GATM: variants seen among roughly 807,000 people sequenced by gnomAD.
The protein encoded by GATM is glycine amidinotransferase.
A neutral mutation model predicts 54.2 loss-of-function variants in GATM; 23 were observed. The observed-to-expected ratio is 0.42, with a 90% CI of 0.31 to 0.60. The LOEUF (loss-of-function observed/expected upper bound fraction) is 0.60, where lower values mean the gene tolerates loss of function less well. GATM is among the 20% of genes least tolerant of loss of function. The pLI is 0.14. For synonymous variants in GATM, 168 were observed against 183.1 expected, an observed-to-expected ratio of 0.92 and a Z score of 0.67; for missense variants, 401 against 544.9, an observed-to-expected ratio of 0.74 and a Z score of 2.63.
At chr15:45,390,751 AAATAT>A (rs1408490899) in intron 3 of GATM, among the ~76,000 whole-genome samples, 21,499 of 152,250 alleles carry the variant, frequency 0.14, 5,013 homozygotes, top group African/African-American at 0.49. Flanking sequence ...CTACTTATTT[AAATAT>A]AAAATGAAGT....
chr15:45,386,048 G>A (rs922196160), intron 3 of GATM, among the ~76,000 whole-genome samples: 3 of 152,066 alleles, frequency 2.0e-5, no homozygotes, highest in Non-Finnish European at 2.9e-5. Context: ...AAATTTGTAC[G>A]CTTTTCTCTT....
chr15:45,376,938 C>T (rs1250494202), intron 1 of GATM, 119 bp from the exon 2 acceptor site: 3 of 878,316 alleles, frequency 3.4e-6, no homozygotes, highest in South Asian at 2.9e-5. Context: ...CCCTTTAGAA[C>T]AGCATAAACC....
At chr15:45,386,766 A>G (rs1165835346) in intron 3 of GATM, among the ~76,000 whole-genome samples, 2 of 152,214 alleles carry the variant, frequency 1.3e-5, no homozygotes, top group African/African-American at 4.8e-5. Context: ...AGTTTTCTGC[A>G]TCCCTCTCGA....
At chr15:45,384,025 T>C (rs1043505530) in intron 3 of GATM, among the ~76,000 whole-genome samples, 1 of 152,226 alleles carries the variant, frequency 6.6e-6, no homozygotes, top group Admixed American at 6.5e-5. Flanking sequence ...CAAATTGTCC[T>C]AAGTGAAACA....
chr15:45,371,614 C>T lies in GATM; in HGVS notation c.289-2093G>A, dbSNP rs1249347730. Among the ~76,000 whole-genome samples, 5 of 152,304 alleles carry T rather than the reference C, an allele frequency of 3.3e-5. No individual in the cohort carries two copies. The East Asian group carries it at 9.6e-4, about 29-fold the overall frequency. ...GGCAAGTTCTCATATGCTTATTTCACATGTAAGGAAAGAGGCTCTGGCAGG... is the reference window on the plus strand; with the variant it reads ...GGCAAGTTCTCATATGCTTATTTCATATGTAAGGAAAGAGGCTCTGGCAGG... On this transcript the variant is annotated intron_variant, in intron 2 of 8. Coordinates refer to ENST00000396659, the MANE Select transcript of GATM (RefSeq NM_001482.3).
intron 6 of GATM, 58 bp from the exon 7 acceptor site, chr15:45,364,918 T>A: frequency 7.4e-7 from 1 of 1,359,262 alleles, no homozygotes; most frequent in Non-Finnish European, 1.0e-6. Flanking sequence ...ATTATTATTA[T>A]TAGTCTCTAA....
chr15:45,402,104 A>ATAT lies in GATM; in HGVS notation c.-698_-696dup, dbSNP rs1469110007. The ATAT allele has an allele frequency of 1.5e-5, 5 of 337,760 alleles. No homozygotes were observed. In the East Asian group the frequency reaches 3.3e-4, roughly 22 times the overall value. The allele number at this position is 337,760 out of a possible 1,614,324, so 20.9% of individuals were successfully genotyped here. The stretch of plus-strand genomic sequence containing the variant: ...ATGTAAAGCCGGTGACTTCCAAGAT[A>ATAT]TATGTAACCACCAAAGTACATGCTT... On this transcript the variant is annotated 5_prime_UTR_variant, in exon 1 of 5. Coordinates refer to the GATM transcript ENST00000561148.
At chr15:45,401,412 T>C (rs1304701475) in intron 1 of GATM, among the ~76,000 whole-genome samples, 2 of 152,074 alleles carry the variant, frequency 1.3e-5, no homozygotes, top group Non-Finnish European at 2.9e-5. Context: ...GTGGGGAAAA[T>C]AGAGGTAGGA....
chr15:45,361,295 T>C lies in GATM; in HGVS notation c.*814A>G, dbSNP rs541117763. ...TAAACAAATCTTAGATGACCAAAGA[T>C]GCAGTGTATCTATCAGATATTGAAT... On this transcript the variant is annotated 3_prime_UTR_variant, in exon 9 of 9. Transcript: ENST00000396659. 2 of 152,164 alleles carry C rather than the reference T, an allele frequency of 1.3e-5. No homozygotes were observed. Among genetic ancestry groups the C allele is most frequent in the Non-Finnish European group, 2.9e-5 (2 of 68,020 alleles). 9.4% of individuals were successfully genotyped at this position (152,164 alleles called of 1,614,324 possible). A position where few individuals can be genotyped will look rare whatever the true frequency, so the allele number is the denominator to read the frequency against.
At chr15:45,392,197 G>A (rs2140678581) in intron 3 of GATM, among the ~76,000 whole-genome samples, 1 of 152,308 alleles carries the variant, frequency 6.6e-6, no homozygotes, top group East Asian at 1.9e-4. Context: ...TGGGCAGAAG[G>A]GGAACTAGTC....
At chr15:45,367,845 C>T (rs985878855) in intron 4 of GATM, among the ~76,000 whole-genome samples, 7 of 152,106 alleles carry the variant, frequency 4.6e-5, no homozygotes, top group African/African-American at 1.4e-4. Context: ...TAACCCAGGA[C>T]CCAGAACAAG....
At chr15:45,380,198 G>C (rs1889720316), upstream of GATM, 3 of 138,400 alleles carry the variant, frequency 2.2e-5, no homozygotes, top group Non-Finnish European at 4.6e-5. Flanking sequence ...ACTGAGCTGA[G>C]ATCGAGCCAC....
At chr15:45,370,414 A>G (rs1226125429) in intron 2 of GATM, among the ~76,000 whole-genome samples, 1 of 152,068 alleles carries the variant, frequency 6.6e-6, no homozygotes, top group Non-Finnish European at 1.5e-5. Context: ...AAAGAAAAAA[A>G]AAAACATTAT....
chr15:45,397,430 G>A (rs905576763), intron 2 of GATM: 3 of 152,042 alleles, frequency 2.0e-5, no homozygotes, highest in South Asian at 2.1e-4. Context: ...TCATGCCTAC[G>A]TGATGAAGGC....
chr15:45,362,128 A>T lies in GATM; in HGVS notation c.1253T>A (p.Leu418Ter). 1 of 1,611,846 alleles carries T rather than the reference A, an allele frequency of 6.2e-7. No individual in the cohort carries two copies. The highest frequency in any genetic ancestry group is 8.5e-7 in the Non-Finnish European group (1 of 1,178,018). Residue 418 changes from leucine (L) to a stop codon, truncating the protein, a stop_gained, in exon 9 of 9, where the codon TTA (leucine) becomes TAA (stop). Transcript: ENST00000396659. LOFTEE classifies it high-confidence loss of function. ...GCCTGTTCAGTCCAAGTAGGACTGT[A>T]AGGTGCCTCGGCGCCGGACATCGCA... is the stretch of plus-strand genomic sequence containing the variant. ...WTCDVRRRGT[L>*]QSYLD
intron 3 of GATM, among the ~76,000 whole-genome samples, chr15:45,384,823 C>T (rs1595488389): frequency 6.6e-6 from 1 of 152,254 alleles, no homozygotes; most frequent in African/African-American, 2.4e-5. Flanking sequence ...ATCCTCCCAC[C>T]TCAAACTCCC....
chr15:45,365,298 T>C (rs551306166), intron 6 of GATM, among the ~76,000 whole-genome samples: 2 of 152,358 alleles, frequency 1.3e-5, no homozygotes, highest in Middle Eastern at 3.4e-3. Flanking sequence ...TTGTTAGCTA[T>C]GCATTCTCAA....
At chr15:45,369,830 T>C in intron 2 of GATM, 1 of 366,120 alleles carries the variant, frequency 2.7e-6, no homozygotes, top group Non-Finnish European at 5.1e-6. Flanking sequence ...GCCAGTTTTT[T>C]TGCCATGCTT....
chr15:45,392,387 G>A (rs1163518453), intron 3 of GATM, among the ~76,000 whole-genome samples: 2 of 152,236 alleles, frequency 1.3e-5, no homozygotes, highest in Non-Finnish European at 2.9e-5. Flanking sequence ...GCGTGCATGT[G>A]TGTGTGTAAT....
Sources: allele counts gnomAD v4.1 joint callset (sites outside exome capture counted in the v4.1 genomes callset), GRCh38; gene constraint gnomAD v4.1.1; transcripts MANE v1.5; gene names NCBI Gene and HGNC (gene_info 2026-07-23, HGNC 2026-07-21).